The following PRRC2B variants were observed in gnomAD, a reference collection of about 807,000 sequenced individuals.
The protein encoded by PRRC2B is protein PRRC2B.
In PRRC2B, 68 loss-of-function variants were observed where a neutral mutation model predicts 242.3. The observed-to-expected ratio is 0.28, with a 90% CI of 0.23 to 0.34. PRRC2B has a LOEUF of 0.34. PRRC2B is among the 10% of genes least tolerant of loss of function. PRRC2B has a pLI of 1.00. For synonymous variants in PRRC2B, 1,228 were observed against 1,173.6 expected, an observed-to-expected ratio of 1.05 and a Z score of -0.95; for missense variants, 2,835 against 2,954.8, an observed-to-expected ratio of 0.96 and a Z score of 0.94.
chr9:131,479,141 C>T (rs1943788278), intron 18 of PRRC2B, 111 bp from the exon 19 acceptor site: 2 of 1,117,794 alleles, frequency 1.8e-6, no homozygotes, highest in Non-Finnish European at 2.6e-6. Flanking sequence ...CCACACATCT[C>T]TGGAGCATTT....
intron 1 of PRRC2B, among the ~76,000 whole-genome samples, chr9:131,417,756 G>A (rs1450348790): frequency 6.6e-6 from 1 of 152,172 alleles, no homozygotes; most frequent in African/African-American, 2.4e-5. Context: ...GTGTCTGTGA[G>A]TTGGATGGAA....
In PRRC2B at chr9:131,474,803, C is replaced by T. The variant is rs773476090; in HGVS notation, c.2674C>T (p.Arg892Trp). 1.6e-5 allele frequency: 26 copies of T among 1,612,232 alleles called. No homozygotes were observed. Among genetic ancestry groups the T allele is most frequent in the East Asian group, 1.6e-4 (7 of 44,838 alleles). ...TAHGVERETP[R>W]EGTAFNISSW... ...CCATGGTGTTGAGCGGGAGACACCCCGGGAGGGGACGGCCTTTAACATCTC... is the reference window on the plus strand; with the variant it reads ...CCATGGTGTTGAGCGGGAGACACCCTGGGAGGGGACGGCCTTTAACATCTC... Residue 892 changes from arginine to tryptophan, a missense_variant, in exon 16 of 32, where the codon CGG becomes TGG. Transcript: ENST00000683519.
chr9:131,397,755 C>T (rs1200604465), intron 1 of PRRC2B, among the ~76,000 whole-genome samples: 2 of 151,938 alleles, frequency 1.3e-5, no homozygotes, highest in African/African-American at 4.8e-5. Context: ...ATGAGGCTTC[C>T]CTACCGTGAA....
chr9:131,373,659 C>T (rs1217614939), exon 1 of PRRC2B: 2 of 152,264 alleles, frequency 1.3e-5, no homozygotes, highest in Non-Finnish European at 2.9e-5. Context: ...CCGCCTTCCG[C>T]TCTGGGCCGC....
rs377751619 is a variant in PRRC2B, at chr9:131,487,978, C to T, written c.6107C>T (p.Pro2036Leu). 5.6e-6 allele frequency: 9 copies of T among 1,612,260 alleles called. No individual in the cohort carries two copies. Among genetic ancestry groups the T allele is most frequent in the Admixed American group, 1.7e-5 (1 of 59,774 alleles). Residue 2036 changes from proline (P) to leucine (L), a missense_variant, in exon 28 of 32, where the codon CCG becomes CTG. Physicochemically the swap from Pro to Leu is moderately conservative, Grantham distance 98. Around this residue, in one of 7 missense-constraint regions of PRRC2B, gnomAD observed 574 missense variants for 626.0 expected, o/e 0.92. Transcript: ENST00000683519. The surrounding 1 kb of genome is among the most constrained non-coding windows in gnomAD (Gnocchi z 5.3). Reference sequence around the variant, plus strand: ...ATGCAGCCCTTGGAGATGGTGAAGCCGCAGTCTGGCTCACCCTACCAGCCC... The same window carrying T: ...ATGCAGCCCTTGGAGATGGTGAAGCTGCAGTCTGGCTCACCCTACCAGCCC... ...PGMQPLEMVK[P>L]QSGSPYQPMS...
intron 10 of PRRC2B, among the ~76,000 whole-genome samples, chr9:131,457,373 A>G (rs1186844587): frequency 6.6e-6 from 1 of 152,148 alleles, no homozygotes; most frequent in African/African-American, 2.4e-5. Flanking sequence ...AGGCGATGGG[A>G]ACTGCATATT....
At position 131,494,433 on chromosome 9, in the gene PRRC2B, C is replaced by T. The variant is rs752829636; in HGVS notation, c.6502C>T (p.Pro2168Ser). 1.7e-5 allele frequency: 27 copies of T among 1,605,014 alleles called. No homozygotes were observed. Among genetic ancestry groups the T allele is most frequent in the Non-Finnish European group, 2.3e-5 (27 of 1,174,984 alleles). ...RPSSASPSGK[P>S]SGSAVNMGSV... ...TAGCTCTGCTAGCCCCAGTGGGAAGCCCTCTGGATCAGCAGTTAACATGGG... is the reference window on the plus strand; with the variant it reads ...TAGCTCTGCTAGCCCCAGTGGGAAGTCCTCTGGATCAGCAGTTAACATGGG... The change falls in exon 31 of 32, where the codon CCC (proline) becomes TCC (serine). Residue 2168 changes from proline (P) to serine (S), a missense_variant. Pro to Ser is a moderately conservative substitution (Grantham distance 74). Around this residue, in one of 7 missense-constraint regions of PRRC2B, gnomAD observed 574 missense variants for 626.0 expected, o/e 0.92. Transcript: ENST00000683519. The surrounding 1 kb of genome is among the most constrained non-coding windows in gnomAD (Gnocchi z 4.3).
At position 131,474,707 on chromosome 9, in the gene PRRC2B, G is replaced by C. The variant is rs992274294; in HGVS notation, c.2578G>C (p.Val860Leu). 2.5e-6 allele frequency: 4 copies of C among 1,612,640 alleles called. No homozygotes were observed. Among genetic ancestry groups the C allele is most frequent in the Middle Eastern group, 1.6e-4 (1 of 6,082 alleles). The stretch of plus-strand genomic sequence containing the variant: ...GTGTTCCCCATTGGAGCCTGACTTT[G>C]TCCCAGATGAGAAAAAGCCAGAGTG... The part of the protein sequence containing the change: ...LRCSPLEPDF[V>L]PDEKKPECGS... Residue 860 changes from valine to leucine, a missense_variant, in exon 16 of 32, where the codon GTC becomes CTC. Val to Leu is a conservative substitution (Grantham distance 32, BLOSUM62 1). This residue lies in a region of PRRC2B where 1,536 missense variants were observed against 1,483.1 expected (regional missense o/e 1.04). Transcript: ENST00000683519.
intron 5 of PRRC2B, among the ~76,000 whole-genome samples, chr9:131,443,759 G>C (rs1213568003): frequency 6.6e-6 from 1 of 152,168 alleles, no homozygotes; most frequent in African/African-American, 2.4e-5. Context: ...TTTTGGGGTG[G>C]ACTGGGGCAG....
intron 31 of PRRC2B, among the ~76,000 whole-genome samples, chr9:131,495,213 GC>G (rs1403382992): frequency 1.3e-5 from 2 of 151,860 alleles, no homozygotes; most frequent in Non-Finnish European, 2.9e-5. Context: ...GACCAGGGGA[GC>G]CCTGACTAGG....
chr9:131,467,613 G>T lies in PRRC2B; in HGVS notation c.1771G>T (p.Ala591Ser), dbSNP rs1213083751. Residue 591 changes from alanine to serine, a missense_variant, in exon 13 of 32, where the codon GCA (alanine) becomes TCA (serine). This residue lies in a region of PRRC2B where 1,536 missense variants were observed against 1,483.1 expected (regional missense o/e 1.04). Coordinates refer to ENST00000683519, the MANE Select transcript of PRRC2B (RefSeq NM_013318.4). ...QETPTTFPEEAPTVSPAVAQS... is the reference protein window; with the variant it reads ...QETPTTFPEESPTVSPAVAQS... ...GACCCCCACCACATTCCCAGAAGAG[G>T]CACCCACAGTGTCCCCAGCAGTGGC... is the stretch of plus-strand genomic sequence containing the variant. The T allele has an allele frequency of 1.2e-6, 2 of 1,613,186 alleles. No individual in the cohort carries two copies. Among genetic ancestry groups the T allele is most frequent in the South Asian group, 1.1e-5 (1 of 90,946 alleles).
chr9:131,473,369 ATGAT>A, intron 14 of PRRC2B, 135 bp from the exon 15 acceptor site: 1 of 637,048 alleles, frequency 1.6e-6, no homozygotes, highest in South Asian at 1.9e-5. Context: ...TAAGAGCCCT[ATGAT>A]GTGTAGGTGG....
rs144872620 is a variant in PRRC2B, at chr9:131,407,235, G to A, written c.-52+12972G>A. Among the ~76,000 whole-genome samples, 655 of 152,318 alleles carry A rather than the reference G, an allele frequency of 4.3e-3. 2 individuals are homozygous for A. The highest frequency in any genetic ancestry group is 0.013 in the African/African-American group (529 of 41,568). On this transcript the variant is annotated intron_variant, in intron 1 of 31. Coordinates refer to ENST00000683519, the MANE Select transcript of PRRC2B (RefSeq NM_013318.4). ...AATTTGCTGTTGACATGGTTGGAGG[G>A]TGGGGGAAGGGGAAAGGTGGGCATG...
chr9:131,478,333 G>A, intron 17 of PRRC2B, 141 bp from the exon 18 acceptor site: 1 of 799,526 alleles, frequency 1.3e-6, no homozygotes, highest in Admixed American at 2.2e-5. Flanking sequence ...TGTTAGATCA[G>A]AGGCGGCCTG....
chr9:131,393,055 C>G (rs995594533), upstream of PRRC2B, among the ~76,000 whole-genome samples: 1 of 152,134 alleles, frequency 6.6e-6, no homozygotes, highest in Admixed American at 6.6e-5. Flanking sequence ...AAGCTTTGTT[C>G]ACCAGCCTCA....
At chr9:131,458,055 G>A (rs575953702) in intron 10 of PRRC2B, among the ~76,000 whole-genome samples, 5 of 152,118 alleles carry the variant, frequency 3.3e-5, no homozygotes, top group African/African-American at 1.2e-4. Context: ...GCGTCCAGAC[G>A]AGCATGGCAC....
At chr9:131,485,682 C>T (rs1944001222) in intron 25 of PRRC2B, 1 of 543,292 alleles carries the variant, frequency 1.8e-6, no homozygotes, top group African/African-American at 1.9e-5. Context: ...GATGTAATTC[C>T]AATAGATCCT....
intron 13 of PRRC2B, among the ~76,000 whole-genome samples, chr9:131,469,735 G>A (rs1943488806): frequency 1.3e-5 from 2 of 152,214 alleles, no homozygotes; most frequent in African/African-American, 4.8e-5. Flanking sequence ...TAGCGCCCGA[G>A]GTCACTGATG....
intron 1 of PRRC2B, among the ~76,000 whole-genome samples, chr9:131,402,906 C>G (rs1011461734): frequency 6.6e-6 from 1 of 152,118 alleles, no homozygotes; most frequent in African/African-American, 2.4e-5. Context: ...CAGTGGCCAG[C>G]AGGGAGGAGG....
Sources: allele counts gnomAD v4.1 joint callset (sites outside exome capture counted in the v4.1 genomes callset), GRCh38; gene constraint gnomAD v4.1.1; regional missense constraint gnomAD v4.1.1; non-coding constraint Gnocchi (gnomAD v3.1); transcripts MANE v1.5; gene names NCBI Gene and HGNC (gene_info 2026-07-23, HGNC 2026-07-21).